Variants in LYST observed in about 807,000 individuals in gnomAD.
LYST encodes the protein lysosomal trafficking regulator.
Under a neutral mutation model 413.6 loss-of-function variants are expected in LYST, and 192 were observed. The ratio of observed to expected loss-of-function variants is 0.46; its 90% confidence interval spans 0.41 to 0.52. The LOEUF (loss-of-function observed/expected upper bound fraction) is 0.52. Ranked by LOEUF, LYST falls within the 20% of genes least tolerant of loss-of-function variation. LYST has a pLI of 0.00. For synonymous variants in LYST, 1,525 were observed against 1,567.3 expected (o/e 0.97, Z 0.64); for missense variants, 3,815 against 4,499.9 (o/e 0.85, Z 4.35).
At chr1:235,868,615 G>A (rs986002710), upstream of LYST, among the ~76,000 whole-genome samples, 1 of 152,098 alleles carries the variant, frequency 6.6e-6, no homozygotes, top group Non-Finnish European at 1.5e-5. Flanking sequence ...GTATACAATT[G>A]GCCCTCAAAG....
Position 235,757,140 on chromosome 1 carries a change from A to G in LYST, c.7059+141T>C, listed in dbSNP as rs909597040. ...AAAAGTTTAAAAATATATGAGTATT[A>G]AGTAACAAACTATATTAGTTCATTA... is the stretch of plus-strand genomic sequence containing the variant. On this transcript the variant is annotated intron_variant, in intron 24 of 52. Transcript: ENST00000389793. The G allele has an allele frequency of 6.8e-6, 4 of 590,032 alleles. No homozygotes were observed. In the Admixed American group the frequency reaches 1.4e-4, roughly 20 times the overall value. The allele number at this position is 590,032 out of a possible 1,614,324, so 36.5% of individuals were successfully genotyped here.
At chr1:235,728,970 C>T (rs1026835465) in intron 37 of LYST, among the ~76,000 whole-genome samples, 7 of 152,220 alleles carry the variant, frequency 4.6e-5, no homozygotes, top group East Asian at 1.9e-4. Flanking sequence ...TGGACTGAGG[C>T]GTGAGAATGT....
chr1:235,718,899 T>C (rs932461309), intron 40 of LYST, among the ~76,000 whole-genome samples: 12 of 152,254 alleles, frequency 7.9e-5, no homozygotes, highest in Admixed American at 2.0e-4. Context: ...AGTATCACTA[T>C]GACCTTACGT....
chr1:235,675,885 C>A (rs955749327), intron 50 of LYST, among the ~76,000 whole-genome samples: 1 of 152,102 alleles, frequency 6.6e-6, no homozygotes, highest in African/African-American at 2.4e-5. Flanking sequence ...TCTGGAAAAA[C>A]ACCATACATT....
chr1:235,855,949 A>G (rs978149084), intron 1 of LYST, among the ~76,000 whole-genome samples: 2 of 152,172 alleles, frequency 1.3e-5, no homozygotes, highest in African/African-American at 2.4e-5. Context: ...AAAGATAACC[A>G]CAAGTTCAAA....
At chr1:235,868,073 AAT>A (rs1680732280), upstream of LYST, among the ~76,000 whole-genome samples, 1 of 152,124 alleles carries the variant, frequency 6.6e-6, no homozygotes, top group African/African-American at 2.4e-5. Flanking sequence ...CCCACTTTAA[AAT>A]ATGTCTTCTC....
Position 235,809,429 on chromosome 1 carries a change from G to T in LYST, c.1389C>A (p.Pro463=), listed in dbSNP as rs762101850. ...EWLVLRDGVP[P]EASEHLKALI... ...GGGCTTTCAAATGCTCTGAGGCCTC[G>T]GGAGGAACTCCATCTCTTAAAACCA... Residue 463 remains proline (P), a synonymous_variant, in exon 5 of 53, where the codon CCC becomes CCA. Coordinates refer to ENST00000389793, the MANE Select transcript of LYST (RefSeq NM_000081.4). This position sits in a 1 kb window ranked among gnomAD's most constrained non-coding sequence, Gnocchi z 4.0. 1.9e-6 allele frequency: 3 copies of T among 1,613,680 alleles called. No homozygotes were observed. The highest frequency in any genetic ancestry group is 8.5e-7 in the Non-Finnish European group (1 of 1,179,966).
At chr1:235,767,630 C>G (rs1668271030) in intron 20 of LYST, among the ~76,000 whole-genome samples, 1 of 152,020 alleles carries the variant, frequency 6.6e-6, no homozygotes, top group Admixed American at 6.6e-5. Flanking sequence ...CACTGGTATT[C>G]TATTTTATTA....
At chr1:235,780,420 A>G (rs192079292) in intron 16 of LYST, among the ~76,000 whole-genome samples, 1 of 151,706 alleles carries the variant, frequency 6.6e-6, no homozygotes, top group African/African-American at 2.4e-5. Context: ...AAAAAAATAA[A>G]AAATAAAAAA....
At chr1:235,855,824 C>CG (rs1679113334) in intron 1 of LYST, among the ~76,000 whole-genome samples, 1 of 151,994 alleles carries the variant, frequency 6.6e-6, no homozygotes, top group Admixed American at 6.5e-5. Context: ...CCTCTTATTT[C>CG]ATAATTCTTA....
rs558892505 is a variant in LYST at position 235,727,700 on chromosome 1, T to A, written c.9162+376A>T. 4.6e-3 allele frequency among the ~76,000 whole-genome samples: 705 copies of A among 152,314 alleles called. 2 individuals are homozygous for A. Among genetic ancestry groups the A allele is most frequent in the Middle Eastern group, 0.02 (6 of 294 alleles). On this transcript the variant is annotated intron_variant, in intron 38 of 52. Transcript: ENST00000389793. ...ATGTGAATATCAGAATTACTTAAGT[T>A]ATTCAATTATTTAATATTTTTCCTT...
chr1:235,845,350 T>C (rs1677699319), intron 1 of LYST, among the ~76,000 whole-genome samples: 1 of 152,154 alleles, frequency 6.6e-6, no homozygotes, highest in Non-Finnish European at 1.5e-5. Flanking sequence ...CCCTGGGTCC[T>C]TAAGTAGCCC....
chr1:235,743,513 C>A (rs552337429), intron 30 of LYST, among the ~76,000 whole-genome samples: 1 of 152,160 alleles, frequency 6.6e-6, no homozygotes, highest in South Asian at 2.1e-4. Context: ...CCGCAGAAAC[C>A]CAAGTGAGAT....
At chr1:235,812,646 C>T (rs1673582372) in intron 4 of LYST, among the ~76,000 whole-genome samples, 1 of 151,940 alleles carries the variant, frequency 6.6e-6, no homozygotes, top group Admixed American at 6.6e-5. Flanking sequence ...TTTCTTTATT[C>T]AGACTTTTCA....
chr1:235,737,666 CAG>C (rs1558170271), intron 31 of LYST: 1 of 153,512 alleles, frequency 6.5e-6, no homozygotes, highest in Non-Finnish European at 1.4e-5. Context: ...CTTGAATCTA[CAG>C]AGGTGTTAAT....
Position 235,751,239 on chromosome 1 carries a change from G to A in LYST, c.7751C>T (p.Ala2584Val). 1 of 1,613,710 alleles carries A rather than the reference G, an allele frequency of 6.2e-7. No homozygotes were observed. The highest frequency in any genetic ancestry group is 8.5e-7 in the Non-Finnish European group (1 of 1,179,728). Residue 2584 changes from alanine to valine, a missense_variant, in exon 28 of 53, where the codon GCA becomes GTA. Ala to Val is a moderately conservative substitution (Grantham distance 64). This residue lies in a region of LYST where 771 missense variants were observed against 837.1 expected (regional missense o/e 0.92). Transcript: ENST00000389793. ...SLQSPSAPHH[A>V]VVQKRKSIAG... Reference sequence around the variant, plus strand: ...AATGCTTTTCCGCTTTTGAACTACTGCATGATGGGGAGCAGAAGGTGACTG... The same window carrying A: ...AATGCTTTTCCGCTTTTGAACTACTACATGATGGGGAGCAGAAGGTGACTG...
chr1:235,777,443 C>T (rs1558229918), intron 16 of LYST, 135 bp from the exon 17 acceptor site: 1 of 720,558 alleles, frequency 1.4e-6, no homozygotes, highest in Non-Finnish European at 2.4e-6. Flanking sequence ...AGCTACTACA[C>T]TAAACAGATA....
At chr1:235,707,216 C>T (rs577665556) in intron 44 of LYST, among the ~76,000 whole-genome samples, 1 of 152,302 alleles carries the variant, frequency 6.6e-6, no homozygotes, top group South Asian at 2.1e-4. Context: ...ACCCCCTTCA[C>T]CCTATTTGAG....
upstream of LYST, among the ~76,000 whole-genome samples, chr1:235,869,376 G>T (rs1680828035): frequency 6.6e-6 from 1 of 152,194 alleles, no homozygotes; most frequent in African/African-American, 2.4e-5. Context: ...AGAGGCTGAG[G>T]CAGGAGAATA....
Sources: gnomAD v4.1 joint callset for allele counts (sites outside exome capture counted in the v4.1 genomes callset) on GRCh38, gnomAD v4.1.1 for gene constraint, gnomAD v4.1.1 regional missense constraint, Gnocchi (gnomAD v3.1) non-coding constraint, MANE v1.5 for transcripts, NCBI Gene and HGNC (gene_info 2026-07-23, HGNC 2026-07-21) for gene names.